Variants in RPS6KC1 observed in about 807,000 individuals in gnomAD.
The protein encoded by RPS6KC1 is ribosomal protein S6 kinase C1.
RPS6KC1 carries 54 observed loss-of-function variants against 103.8 expected under a neutral mutation model. The observed-to-expected ratio is 0.52, with a 90% CI of 0.42 to 0.65. RPS6KC1 has a LOEUF of 0.65. RPS6KC1 is among the 30% of genes least tolerant of loss of function. The pLI is 0.00. For missense variants in RPS6KC1, 1,151 were observed against 1,253.8 expected, an observed-to-expected ratio of 0.92 and a Z score of 1.24; for synonymous variants, 439 against 438.7, an observed-to-expected ratio of 1.00 and a Z score of -0.01.
At chr1:213,116,377 C>G (rs940979339) in intron 4 of RPS6KC1, among the ~76,000 whole-genome samples, 6 of 121,148 alleles carry the variant, frequency 5.0e-5, no homozygotes, top group Non-Finnish European at 8.4e-5. Context: ...GATTGCAACC[C>G]CTGCCTTTTT....
At chr1:213,554,605 C>T in the RPS6KC1 span, among the ~76,000 whole-genome samples, 1 of 152,184 alleles carries the variant, frequency 6.6e-6, no homozygotes, top group African/African-American at 2.4e-5. Context: ...ACCTGGAATT[C>T]TCAGCAACCA....
chr1:213,189,475 C>T (rs1247584714), intron 8 of RPS6KC1, among the ~76,000 whole-genome samples: 2 of 145,910 alleles, frequency 1.4e-5, no homozygotes, highest in South Asian at 2.2e-4. Flanking sequence ...AAAAAGTGTA[C>T]GTTGACATAT....
intron 12 of RPS6KC1, among the ~76,000 whole-genome samples, chr1:213,252,558 G>A (rs1308033387): frequency 6.6e-6 from 1 of 152,074 alleles, no homozygotes; most frequent in African/African-American, 2.4e-5. Flanking sequence ...AGGTTTGTAA[G>A]AATTTGCCTT....
the RPS6KC1 span, among the ~76,000 whole-genome samples, chr1:213,742,673 C>G: frequency 6.6e-6 from 1 of 152,194 alleles, no homozygotes; most frequent in African/African-American, 2.4e-5. Context: ...AGCTGCCAGA[C>G]CCATGTGGGG....
chr1:213,228,336 C>T (rs550625767), intron 8 of RPS6KC1, among the ~76,000 whole-genome samples: 8 of 152,180 alleles, frequency 5.3e-5, no homozygotes, highest in South Asian at 2.1e-4. Flanking sequence ...ATACTGTTAC[C>T]GACTATTATA....
At chr1:213,352,504 A>G in the RPS6KC1 span, among the ~76,000 whole-genome samples, 1 of 152,170 alleles carries the variant, frequency 6.6e-6, no homozygotes, top group African/African-American at 2.4e-5. Flanking sequence ...CTCAGGGGCC[A>G]CAATATTGTA....
chr1:213,219,956 A>G (rs188864266), intron 8 of RPS6KC1, among the ~76,000 whole-genome samples: 1 of 152,268 alleles, frequency 6.6e-6, no homozygotes, highest in East Asian at 1.9e-4. Flanking sequence ...ATGTATACAT[A>G]TGTAACAAAC....
At chr1:213,450,000 G>C in the RPS6KC1 span, among the ~76,000 whole-genome samples, 1 of 152,146 alleles carries the variant, frequency 6.6e-6, no homozygotes, top group Non-Finnish European at 1.5e-5. Flanking sequence ...CATTGCCCCA[G>C]ATTCAGCAGG....
chr1:213,363,698 C>G, the RPS6KC1 span, among the ~76,000 whole-genome samples: 12 of 93,038 alleles, frequency 1.3e-4, 3 homozygotes, highest in African/African-American at 6.5e-4. Flanking sequence ...TTCTTTCTTT[C>G]TTTCCTTCTT....
chr1:213,851,060 A>T, the RPS6KC1 span, among the ~76,000 whole-genome samples: 1 of 152,016 alleles, frequency 6.6e-6, no homozygotes, highest in Non-Finnish European at 1.5e-5. Flanking sequence ...CCACCTCTTC[A>T]TCAATTTCCT....
chr1:213,630,718 T>C, the RPS6KC1 span, among the ~76,000 whole-genome samples: 2 of 152,204 alleles, frequency 1.3e-5, no homozygotes, highest in African/African-American at 4.8e-5. Context: ...TTATCTACCT[T>C]TGGCTTTGAT....
At chr1:213,728,062 T>C in the RPS6KC1 span, among the ~76,000 whole-genome samples, 1 of 151,880 alleles carries the variant, frequency 6.6e-6, no homozygotes, top group Non-Finnish European at 1.5e-5. Flanking sequence ...GTGGAAGCCA[T>C]TGTGGGCCAC....
At chr1:213,707,756 A>G in the RPS6KC1 span, among the ~76,000 whole-genome samples, 4 of 152,220 alleles carry the variant, frequency 2.6e-5, no homozygotes, top group Non-Finnish European at 5.9e-5. Context: ...AGTTTTCTGC[A>G]TATGGCTAGC....
chr1:213,618,750 G>GT, the RPS6KC1 span, among the ~76,000 whole-genome samples: 1 of 152,306 alleles, frequency 6.6e-6, no homozygotes, highest in East Asian at 1.9e-4. Flanking sequence ...GTTCTTCAAG[G>GT]TTAAACCTTG....
chr1:213,764,144 G>C, the RPS6KC1 span, among the ~76,000 whole-genome samples: 1 of 152,288 alleles, frequency 6.6e-6, no homozygotes, highest in Non-Finnish European at 1.5e-5. Flanking sequence ...TGAAGTAGCA[G>C]GTTTATCACC....
chr1:213,835,130 G>A, the RPS6KC1 span, among the ~76,000 whole-genome samples: 1 of 152,190 alleles, frequency 6.6e-6, no homozygotes. Context: ...GTGTCCACAT[G>A]ACAAGAAGGA....
At chr1:213,818,014 G>T in the RPS6KC1 span, 1 of 151,840 alleles carries the variant, frequency 6.6e-6, no homozygotes, top group Non-Finnish European at 1.5e-5. Flanking sequence ...TAATTGTTTT[G>T]GGGCAGCATG....
the RPS6KC1 span, among the ~76,000 whole-genome samples, chr1:213,690,742 G>A: frequency 6.6e-6 from 1 of 152,164 alleles, no homozygotes; most frequent in Non-Finnish European, 1.5e-5. Context: ...GCTGGGAAAT[G>A]GGGATAAGAA....
At chr1:213,158,061 T>C (rs912323959) in intron 6 of RPS6KC1, among the ~76,000 whole-genome samples, 10 of 152,196 alleles carry the variant, frequency 6.6e-5, no homozygotes, top group Admixed American at 1.3e-4. Flanking sequence ...AATCAATGTA[T>C]ATCTTCTATA....
Sources: gnomAD v4.1 joint callset for allele counts (sites outside exome capture counted in the v4.1 genomes callset) on GRCh38, gnomAD v4.1.1 for gene constraint, MANE v1.5 for transcripts, NCBI Gene and HGNC (gene_info 2026-07-23, HGNC 2026-07-21) for gene names.